The following IPCEF1 variants were observed in gnomAD, a reference collection of about 807,000 sequenced individuals.
The protein encoded by IPCEF1 is interactor protein for cytohesin exchange factors 1.
IPCEF1 carries 31 observed loss-of-function variants against 50.9 expected under a neutral mutation model. That is an observed-to-expected ratio of 0.61 (90% CI 0.46 to 0.82). The LOEUF (loss-of-function observed/expected upper bound fraction) is 0.82. Ranked by LOEUF, IPCEF1 falls within the 40% of genes least tolerant of loss-of-function variation. The pLI is 0.00. For synonymous variants in IPCEF1, 181 were observed against 192.0 expected, an observed-to-expected ratio of 0.94 and a Z score of 0.47; for missense variants, 458 against 514.0, an observed-to-expected ratio of 0.89 and a Z score of 1.05.
chr6:154,309,680 T>G (rs1226428864), intron 1 of IPCEF1, among the ~76,000 whole-genome samples: 1 of 152,158 alleles, frequency 6.6e-6, no homozygotes, highest in Non-Finnish European at 1.5e-5. Flanking sequence ...ACTTTCCTCT[T>G]TGATCCACAA....
chr6:154,282,077 G>A (rs1397903988), intron 2 of IPCEF1, among the ~76,000 whole-genome samples: 1 of 152,156 alleles, frequency 6.6e-6, no homozygotes. Context: ...GCTGAGGCAG[G>A]AGAATAGCTT....
chr6:154,179,044 G>A lies in IPCEF1; in HGVS notation c.911-10931C>T, dbSNP rs75561240. On this transcript the variant is annotated intron_variant, in intron 10 of 11. Coordinates refer to ENST00000367220, the MANE Select transcript of IPCEF1 (RefSeq NM_001130700.2). ...GGGATGCACTGTGCCCCAGGTCCACGACCCAGTCAGGGACATTACATTGTT... is the reference window on the plus strand; with the variant it reads ...GGGATGCACTGTGCCCCAGGTCCACAACCCAGTCAGGGACATTACATTGTT... Among the ~76,000 whole-genome samples, 655 of 152,280 alleles carry A rather than the reference G, an allele frequency of 4.3e-3. 4 individuals are homozygous for A. Among genetic ancestry groups the A allele is most frequent in the African/African-American group, 0.012 (493 of 41,544 alleles).
At chr6:154,191,715 G>C (rs1418363864) in intron 10 of IPCEF1, among the ~76,000 whole-genome samples, 1 of 151,370 alleles carries the variant, frequency 6.6e-6, no homozygotes, top group Non-Finnish European at 1.5e-5. Context: ...ACAACAAAGA[G>C]TGAACCCTAA....
intron 11 of IPCEF1, among the ~76,000 whole-genome samples, chr6:154,163,268 C>T (rs1302158289): frequency 6.6e-6 from 1 of 152,206 alleles, no homozygotes; most frequent in Non-Finnish European, 1.5e-5. Context: ...GACCTCCTTG[C>T]TCTTCCTTAA....
intron 1 of IPCEF1, among the ~76,000 whole-genome samples, chr6:154,324,108 A>T (rs1253893726): frequency 1.3e-5 from 2 of 152,232 alleles, no homozygotes. Flanking sequence ...TTAATTTTTT[A>T]AAATAAATGC....
chr6:154,202,108 T>C (rs1434825024), intron 9 of IPCEF1, among the ~76,000 whole-genome samples: 2 of 152,236 alleles, frequency 1.3e-5, no homozygotes, highest in African/African-American at 4.8e-5. Context: ...ATTTACCTAA[T>C]GTGTACCCAA....
intron 1 of IPCEF1, among the ~76,000 whole-genome samples, chr6:154,331,370 G>GGAAA (rs1554225596): frequency 0.046 from 5,189 of 111,920 alleles, 164 homozygotes; most frequent in Middle Eastern, 0.089. Context: ...AAGAAAGAAA[G>GGAAA]GAAAGAAAGA....
At chr6:154,332,750 A>G (rs1199827819) in intron 1 of IPCEF1, among the ~76,000 whole-genome samples, 1 of 152,202 alleles carries the variant, frequency 6.6e-6, no homozygotes. Context: ...GCCTAAGATT[A>G]GTTGTCACTT....
intron 1 of IPCEF1, among the ~76,000 whole-genome samples, chr6:154,292,860 G>A (rs1428878588): frequency 6.6e-6 from 1 of 152,168 alleles, no homozygotes; most frequent in African/African-American, 2.4e-5. Context: ...AACACTCAAA[G>A]TGATTGGCTT....
chr6:154,177,862 C>T (rs1800476195), intron 10 of IPCEF1, among the ~76,000 whole-genome samples: 1 of 152,106 alleles, frequency 6.6e-6, no homozygotes, highest in Admixed American at 6.6e-5. Flanking sequence ...TGGCACTATT[C>T]ACAATAGCAA....
At chr6:154,294,985 T>G (rs1777071578) in intron 1 of IPCEF1, among the ~76,000 whole-genome samples, 1 of 152,142 alleles carries the variant, frequency 6.6e-6, no homozygotes, top group Non-Finnish European at 1.5e-5. Context: ...CATTATGAGG[T>G]CAGGAGATCG....
chr6:154,297,929 C>G (rs1276420139), intron 1 of IPCEF1, among the ~76,000 whole-genome samples: 2 of 152,220 alleles, frequency 1.3e-5, no homozygotes, highest in Non-Finnish European at 2.9e-5. Context: ...TAATGAGCCG[C>G]AGTGCTCTGA....
intron 1 of IPCEF1, among the ~76,000 whole-genome samples, chr6:154,313,766 C>T (rs901251071): frequency 6.6e-6 from 1 of 151,912 alleles, no homozygotes; most frequent in African/African-American, 2.4e-5. Context: ...TTTTTTGAGA[C>T]AGGGTCTCGC....
intron 3 of IPCEF1, among the ~76,000 whole-genome samples, chr6:154,249,070 C>T (rs1781273601): frequency 6.6e-6 from 1 of 152,048 alleles, no homozygotes; most frequent in Non-Finnish European, 1.5e-5. Context: ...TTATCCCCCC[C>T]AAAATTAATC....
intron 2 of IPCEF1, among the ~76,000 whole-genome samples, chr6:154,287,083 C>T (rs778624417): frequency 1.3e-5 from 2 of 151,880 alleles, no homozygotes; most frequent in African/African-American, 2.4e-5. Flanking sequence ...CATAGCAAAG[C>T]CCCCTTTCTT....
intron 10 of IPCEF1, among the ~76,000 whole-genome samples, chr6:154,172,406 C>G (rs1045816962): frequency 6.6e-6 from 1 of 152,182 alleles, no homozygotes; most frequent in Non-Finnish European, 1.5e-5. Flanking sequence ...CATGAGTAAC[C>G]GTACCTGGAG....
intron 1 of IPCEF1, among the ~76,000 whole-genome samples, chr6:154,295,918 C>T (rs1270406488): frequency 7.8e-6 from 1 of 128,410 alleles, no homozygotes; most frequent in Non-Finnish European, 1.7e-5. Context: ...CACGCACACA[C>T]ACACACACAC....
chr6:154,180,401 TATATA>T (rs1409519690), intron 10 of IPCEF1, among the ~76,000 whole-genome samples: 1 of 77,586 alleles, frequency 1.3e-5, no homozygotes, highest in African/African-American at 5.0e-5. Context: ...TATATATATA[TATATA>T]TATATATATT....
chr6:154,258,942 T>C (rs1196076010), intron 3 of IPCEF1, among the ~76,000 whole-genome samples: 1 of 152,238 alleles, frequency 6.6e-6, no homozygotes, highest in East Asian at 1.9e-4. Flanking sequence ...TATGGTCTTA[T>C]ATCAATTTTT....
Sources: allele counts gnomAD v4.1 joint callset (sites outside exome capture counted in the v4.1 genomes callset), GRCh38; gene constraint gnomAD v4.1.1; transcripts MANE v1.5; gene names NCBI Gene and HGNC (gene_info 2026-07-23, HGNC 2026-07-21).